CA10: variants seen among roughly 807,000 people sequenced by gnomAD.
The protein encoded by CA10 is carbonic anhydrase 10 (inactive).
In CA10, 14 loss-of-function variants were observed where a neutral mutation model predicts 44.2. The observed-to-expected ratio is 0.32, with a 90% CI of 0.21 to 0.50. The LOEUF (loss-of-function observed/expected upper bound fraction) is 0.50. Ranked by LOEUF, CA10 falls within the 20% of genes least tolerant of loss-of-function variation. The probability of loss-of-function intolerance (pLI) is 0.99; values close to 1 mark genes in which losing one functional copy is unlikely to be tolerated. For synonymous variants in CA10, 159 were observed against 141.6 expected (o/e 1.12, Z -0.87); for missense variants, 350 against 409.7 (o/e 0.85, Z 1.26).
At chr17:51,718,726 T>C (rs1287450039) in intron 4 of CA10, among the ~76,000 whole-genome samples, 2 of 152,146 alleles carry the variant, frequency 1.3e-5, no homozygotes, top group Admixed American at 1.3e-4. Context: ...GTGGGGTCTG[T>C]TGCTATCTCC....
At chr17:51,871,810 C>A (rs967596752) in intron 3 of CA10, among the ~76,000 whole-genome samples, 8 of 152,152 alleles carry the variant, frequency 5.3e-5, no homozygotes, top group African/African-American at 1.9e-4. Context: ...TTCTATGTAC[C>A]AGAGGGTCAG....
intron 1 of CA10, among the ~76,000 whole-genome samples, chr17:52,135,836 C>T (rs1051634470): frequency 6.6e-6 from 1 of 152,176 alleles, no homozygotes; most frequent in East Asian, 1.9e-4. Flanking sequence ...AAACCCCCAC[C>T]CTAAGGCCCT....
chr17:51,844,185 A>G (rs1282564188), intron 3 of CA10, among the ~76,000 whole-genome samples: 1 of 152,190 alleles, frequency 6.6e-6, no homozygotes, highest in Non-Finnish European at 1.5e-5. Context: ...ATTTTTAAGG[A>G]TAATGATAGT....
chr17:51,648,395 T>A (rs1478829196), intron 6 of CA10, among the ~76,000 whole-genome samples: 1 of 152,216 alleles, frequency 6.6e-6, no homozygotes, highest in African/African-American at 2.4e-5. Context: ...ATAAGATGAA[T>A]GACAGAGTCA....
intron 4 of CA10, among the ~76,000 whole-genome samples, chr17:51,746,748 C>T (rs1035800413): frequency 6.6e-6 from 1 of 152,194 alleles, no homozygotes; most frequent in African/African-American, 2.4e-5. Flanking sequence ...GGCTGCTGGA[C>T]TCATTAAGAT....
At chr17:51,795,348 T>C (rs186801843) in intron 3 of CA10, among the ~76,000 whole-genome samples, 1 of 152,268 alleles carries the variant, frequency 6.6e-6, no homozygotes, top group East Asian at 1.9e-4. Flanking sequence ...CTAAACACAA[T>C]TCTGTTCTCA....
intron 3 of CA10, among the ~76,000 whole-genome samples, chr17:51,796,248 C>T (rs61703989): frequency 0.1 from 15,905 of 151,942 alleles, 1,213 homozygotes; most frequent in African/African-American, 0.22. Flanking sequence ...CCACTGAGGC[C>T]CAGAAAAGGG....
intron 3 of CA10, among the ~76,000 whole-genome samples, chr17:51,877,097 G>A (rs745954162): frequency 1.3e-5 from 2 of 152,190 alleles, no homozygotes; most frequent in Non-Finnish European, 1.5e-5. Flanking sequence ...AAAGTGGGGT[G>A]GGTCACTTCA....
At chr17:51,706,683 A>G (rs895500955) in intron 4 of CA10, among the ~76,000 whole-genome samples, 2 of 152,126 alleles carry the variant, frequency 1.3e-5, no homozygotes, top group African/African-American at 4.8e-5. Flanking sequence ...AAGAAAATCC[A>G]TATCCAGATC....
intron 2 of CA10, among the ~76,000 whole-genome samples, chr17:51,939,191 A>C (rs1455003953): frequency 6.6e-6 from 1 of 152,138 alleles, no homozygotes; most frequent in Non-Finnish European, 1.5e-5. Context: ...TATAAAAAGT[A>C]ACATTATGCC....
chr17:51,823,078 T>C (rs1907874216), intron 3 of CA10, among the ~76,000 whole-genome samples: 1 of 152,198 alleles, frequency 6.6e-6, no homozygotes, highest in Admixed American at 6.5e-5. Flanking sequence ...GCTTTATTTA[T>C]TTACTTATTT....
intron 6 of CA10, among the ~76,000 whole-genome samples, chr17:51,640,144 G>A (rs1296458523): frequency 2.0e-5 from 3 of 152,184 alleles, no homozygotes; most frequent in African/African-American, 7.2e-5. Context: ...TTTGCATCTT[G>A]TATCTCTAAG....
intron 1 of CA10, among the ~76,000 whole-genome samples, chr17:52,133,411 A>C (rs1389014780): frequency 2.0e-5 from 3 of 152,198 alleles, no homozygotes; most frequent in Non-Finnish European, 4.4e-5. Context: ...AGAGATCCGC[A>C]ATGCAGAGTT....
chr17:51,630,504 G>C lies in CA10; in HGVS notation c.*1080C>G, dbSNP rs1165145297. 4 of 152,648 alleles carry C rather than the reference G, an allele frequency of 2.6e-5. No individual in the cohort carries two copies. The highest frequency in any genetic ancestry group is 4.4e-5 in the Non-Finnish European group (3 of 68,044). The allele number at this position is 152,648 out of a possible 1,614,324, so 9.5% of individuals were successfully genotyped here. A position where few individuals can be genotyped will look rare whatever the true frequency, so the allele number is the denominator to read the frequency against. ...GCATTCCTTCACGGGAGCATCACAG[G>C]GGGGCATGGCAGTTTTGAAACGCAA... On this transcript the variant is annotated 3_prime_UTR_variant, in exon 9 of 9. Coordinates refer to ENST00000451037, the MANE Select transcript of CA10 (RefSeq NM_020178.5).
chr17:51,645,178 C>T (rs207476441), intron 6 of CA10, among the ~76,000 whole-genome samples: 7 of 152,154 alleles, frequency 4.6e-5, no homozygotes, highest in Non-Finnish European at 1.0e-4. Flanking sequence ...TGGTCAGTGC[C>T]ATCGTCTCAT....
intron 3 of CA10, chr17:51,762,353 G>T (rs1401449960): frequency 1.3e-5 from 2 of 152,226 alleles, no homozygotes; most frequent in Non-Finnish European, 2.9e-5. Context: ...GAGGAGAGAT[G>T]ATTTGTGTCC....
At chr17:51,954,508 G>T (rs999362446) in intron 2 of CA10, among the ~76,000 whole-genome samples, 3 of 152,112 alleles carry the variant, frequency 2.0e-5, no homozygotes, top group Non-Finnish European at 4.4e-5. Context: ...GGGCTTAGAG[G>T]ATTTCTAAAT....
intron 2 of CA10, among the ~76,000 whole-genome samples, chr17:51,989,312 C>T (rs1325379959): frequency 6.6e-6 from 1 of 151,970 alleles, no homozygotes; most frequent in Non-Finnish European, 1.5e-5. Flanking sequence ...CCTTTCCCTT[C>T]TCCCATGCTC....
At chr17:52,041,502 A>G (rs1428967255) in intron 2 of CA10, among the ~76,000 whole-genome samples, 1 of 152,148 alleles carries the variant, frequency 6.6e-6, no homozygotes, top group Non-Finnish European at 1.5e-5. Context: ...TGATGATTTG[A>G]TACAGGTGTA....
Sources: gnomAD v4.1 joint callset for allele counts (sites outside exome capture counted in the v4.1 genomes callset) on GRCh38, gnomAD v4.1.1 for gene constraint, MANE v1.5 for transcripts, NCBI Gene and HGNC (gene_info 2026-07-23, HGNC 2026-07-21) for gene names.